Variants in ST8SIA1 observed in about 807,000 individuals in gnomAD.
ST8SIA1 encodes ST8 alpha-N-acetyl-neuraminide alpha-2,8-sialyltransferase 1, also known as alpha-N-acetylneuraminide alpha-2,8-sialyltransferase.
ST8SIA1 carries 16 observed loss-of-function variants against 35.9 expected under a neutral mutation model. The ratio of observed to expected loss-of-function variants is 0.45; its 90% CI spans 0.30 to 0.68. The LOEUF is 0.68. Ranked by LOEUF, ST8SIA1 falls within the 30% of genes least tolerant of loss-of-function variation. The probability of loss-of-function intolerance (pLI) is 0.09; values close to 1 mark genes in which losing one functional copy is unlikely to be tolerated. For missense variants in ST8SIA1, 383 were observed against 453.6 expected (o/e 0.84, Z 1.41); for synonymous variants, 170 against 169.6 (o/e 1.00, Z -0.02).
intron 4 of ST8SIA1, among the ~76,000 whole-genome samples, chr12:22,222,999 C>T (rs965434226): frequency 1.4e-4 from 22 of 152,174 alleles, no homozygotes; most frequent in African/African-American, 4.8e-4. Context: ...CCTAAAACAG[C>T]GAAAGAAACA....
At chr12:22,247,446 T>C (rs564378362) in intron 4 of ST8SIA1, among the ~76,000 whole-genome samples, 1 of 152,040 alleles carries the variant, frequency 6.6e-6, no homozygotes, top group Middle Eastern at 3.4e-3. Flanking sequence ...TAAAAATAAA[T>C]TGTTTTAATA....
intron 1 of ST8SIA1, among the ~76,000 whole-genome samples, chr12:22,327,734 T>G (rs141593256): frequency 1.1e-4 from 17 of 152,236 alleles, no homozygotes; most frequent in African/African-American, 3.9e-4. Context: ...CTTATATAAA[T>G]ATCCTAAAAC....
intron 3 of ST8SIA1, among the ~76,000 whole-genome samples, chr12:22,255,004 T>C (rs1368634899): frequency 6.6e-6 from 1 of 152,182 alleles, no homozygotes; most frequent in Non-Finnish European, 1.5e-5. Context: ...AAATGAGATG[T>C]GAGATTTTCC....
Position 22,196,034 on chromosome 12 carries a change from T to C in ST8SIA1, c.*5518A>G, listed in dbSNP as rs1864983605. On this transcript the variant is annotated 3_prime_UTR_variant, in exon 5 of 5. Coordinates refer to ENST00000396037, the MANE Select transcript of ST8SIA1 (RefSeq NM_003034.4). ...TCAGACAGCTTGGCATCATTGATTA[T>C]ATCCCACAGCTTCAACAAGAAAAAA... 6.6e-6 allele frequency: 1 copy of C among 152,316 alleles called. No homozygotes were observed. Among genetic ancestry groups the C allele is most frequent in the Non-Finnish European group, 1.5e-5 (1 of 68,014 alleles). 9.4% of individuals were successfully genotyped at this position (152,316 alleles called of 1,614,324 possible).
intron 4 of ST8SIA1, among the ~76,000 whole-genome samples, chr12:22,237,381 G>C (rs1042539471): frequency 3.3e-5 from 5 of 152,112 alleles, no homozygotes; most frequent in African/African-American, 1.2e-4. Context: ...TGGGATTGCA[G>C]GTGTGAGCCA....
chr12:22,256,000 T>A (rs139292293), intron 2 of ST8SIA1, among the ~76,000 whole-genome samples: 1 of 152,340 alleles, frequency 6.6e-6, no homozygotes, highest in Non-Finnish European at 1.5e-5. Context: ...CTGAATGCTA[T>A]GGGGCAATCC....
chr12:22,312,483 G>T (rs1014406084), intron 1 of ST8SIA1, among the ~76,000 whole-genome samples: 1 of 152,146 alleles, frequency 6.6e-6, no homozygotes, highest in South Asian at 2.1e-4. Flanking sequence ...AGCAGCAGTT[G>T]GCAACAGAAC....
chr12:22,300,112 A>T (rs1866300657), intron 1 of ST8SIA1, among the ~76,000 whole-genome samples: 1 of 152,122 alleles, frequency 6.6e-6, no homozygotes, highest in African/African-American at 2.4e-5. Context: ...ACATCTGTGT[A>T]TCTTTATGTG....
At chr12:22,259,505 G>C (rs905460768) in intron 2 of ST8SIA1, among the ~76,000 whole-genome samples, 3 of 149,992 alleles carry the variant, frequency 2.0e-5, no homozygotes, top group African/African-American at 7.4e-5. Context: ...TCTCCCTCTC[G>C]CCCAGGCCAG....
rs758115566 is a variant in ST8SIA1, at chr12:22,201,920, C to T, written c.703G>A (p.Val235Ile). ...MKTGTEPSLRVYYTLSDVGAN... is the reference protein window; with the variant it reads ...MKTGTEPSLRIYYTLSDVGAN... ...CCAACATCTGACAGTGTATAATAAACCCTCAAAGATGGCTCTGTTCCTGTC... is the reference window on the plus strand; with the variant it reads ...CCAACATCTGACAGTGTATAATAAATCCTCAAAGATGGCTCTGTTCCTGTC... Residue 235 changes from valine (V) to isoleucine (I), a missense_variant, in exon 5 of 5, where the codon GTT becomes ATT. Val to Ile is a conservative substitution (Grantham distance 29). Coordinates refer to ENST00000396037, the MANE Select transcript of ST8SIA1 (RefSeq NM_003034.4). The T allele has an allele frequency of 6.2e-7, 1 of 1,613,952 alleles. No homozygotes were observed. Among genetic ancestry groups the T allele is most frequent in the African/African-American group, 1.3e-5 (1 of 74,906 alleles).
intron 4 of ST8SIA1, among the ~76,000 whole-genome samples, chr12:22,226,760 T>C (rs1000881377): frequency 6.6e-6 from 1 of 152,206 alleles, no homozygotes; most frequent in Non-Finnish European, 1.5e-5. Flanking sequence ...CAATTCTGCC[T>C]GCTCTCAGCC....
At chr12:22,283,134 C>T (rs1188142870) in intron 2 of ST8SIA1, among the ~76,000 whole-genome samples, 3 of 152,120 alleles carry the variant, frequency 2.0e-5, no homozygotes, top group African/African-American at 7.2e-5. Flanking sequence ...ACCTAGGAAG[C>T]TGGAAATGAG....
At chr12:22,238,168 C>CCG (rs1047426379) in intron 4 of ST8SIA1, among the ~76,000 whole-genome samples, 9 of 151,654 alleles carry the variant, frequency 5.9e-5, no homozygotes, top group Admixed American at 6.6e-5. Context: ...AGAACTCCCC[C>CCG]CCCAACAAGA....
chr12:22,317,597 C>T (rs1391888512), intron 1 of ST8SIA1, among the ~76,000 whole-genome samples: 3 of 152,218 alleles, frequency 2.0e-5, no homozygotes, highest in Admixed American at 2.0e-4. Flanking sequence ...CATAGACTGC[C>T]TGAGTGGCCT....
chr12:22,239,097 T>C (rs1431787628), intron 4 of ST8SIA1, among the ~76,000 whole-genome samples: 1 of 152,232 alleles, frequency 6.6e-6, no homozygotes, highest in African/African-American at 2.4e-5. Flanking sequence ...AGTATAATTA[T>C]TCTTTTGCAG....
At chr12:22,300,675 C>T (rs1304682635) in intron 1 of ST8SIA1, among the ~76,000 whole-genome samples, 2 of 151,934 alleles carry the variant, frequency 1.3e-5, no homozygotes, top group Admixed American at 6.6e-5. Flanking sequence ...AAGGTTTTTG[C>T]CTTTTGTTGA....
intron 1 of ST8SIA1, among the ~76,000 whole-genome samples, chr12:22,300,214 C>T (rs1019365872): frequency 6.6e-6 from 1 of 152,056 alleles, no homozygotes; most frequent in Non-Finnish European, 1.5e-5. Flanking sequence ...AAACTGAAAG[C>T]AATTAAAGCC....
At chr12:22,321,959 G>A (rs901636147) in intron 1 of ST8SIA1, among the ~76,000 whole-genome samples, 1 of 152,182 alleles carries the variant, frequency 6.6e-6, no homozygotes, top group African/African-American at 2.4e-5. Flanking sequence ...CAGTAATTGA[G>A]CTTTGTGTTT....
Position 22,195,968 on chromosome 12 carries a change from G to T in ST8SIA1, c.*5584C>A, listed in dbSNP as rs1864982601. 6.6e-6 allele frequency: 1 copy of T among 152,168 alleles called. No homozygotes were observed. Among genetic ancestry groups the T allele is most frequent in the South Asian group, 2.1e-4 (1 of 4,830 alleles). The allele number at this position is 152,168 out of a possible 1,614,324, so 9.4% of individuals were successfully genotyped here. A position where few individuals can be genotyped will look rare whatever the true frequency, so the allele number is the denominator to read the frequency against. ...AAGTTTAATTACATAGAAGCAGAAA[G>T]AGGCAGGATCAATATATTTGGATAT... On this transcript the variant is annotated 3_prime_UTR_variant, in exon 5 of 5. Coordinates refer to ENST00000396037, the MANE Select transcript of ST8SIA1 (RefSeq NM_003034.4).
Sources: allele counts gnomAD v4.1 joint callset (sites outside exome capture counted in the v4.1 genomes callset), GRCh38; gene constraint gnomAD v4.1.1; transcripts MANE v1.5; gene names NCBI Gene and HGNC (gene_info 2026-07-23, HGNC 2026-07-21).